ZC3H11B: variants seen among roughly 807,000 people sequenced by gnomAD.
ZC3H11B encodes the protein zinc finger CCCH-type containing 11B.
Under a neutral mutation model 34.0 loss-of-function variants are expected in ZC3H11B, and 3 were observed. That is an observed-to-expected ratio of 0.09 (90% CI 0.04 to 0.23). The LOEUF (loss-of-function observed/expected upper bound fraction) is 0.23, where lower values mean the gene tolerates loss of function less well. Ranked by LOEUF, ZC3H11B falls within the 10% of genes least tolerant of loss-of-function variation. The pLI, the probability that ZC3H11B is intolerant of heterozygous loss-of-function variation, is 1.00. For missense variants in ZC3H11B, 99 were observed against 660.1 expected (o/e 0.15, Z 9.31); for synonymous variants, 33 against 250.1 (o/e 0.13, Z 8.19).
Position 219,612,918 on chromosome 1 carries a change from G to A in ZC3H11B, c.-502+13C>T, listed in dbSNP as rs1049760211. On this transcript the variant is annotated intron_variant, in intron 1 of 1. Transcript: ENST00000651890. The stretch of plus-strand genomic sequence containing the variant: ...TGGGAGTGTAATGAGGGTGGGGAAT[G>A]GGTGTAGGATACCGGAATAAGGTTG... 3.9e-6 allele frequency: 1 copy of A among 257,514 alleles called. No individual in the cohort carries two copies. Among genetic ancestry groups the A allele is most frequent in the African/African-American group, 3.5e-5 (1 of 28,888 alleles). 16.0% of individuals were successfully genotyped at this position (257,514 alleles called of 1,614,324 possible).
At chr1:219,608,484 T>G (rs1003427841) in exon 2 of ZC3H11B, 19 of 151,932 alleles carry the variant, frequency 1.3e-4, no homozygotes, top group African/African-American at 4.4e-4. Flanking sequence ...ATACAACATA[T>G]CTCCTTTCAA....
chr1:219,609,324 G>T (rs1667963565), exon 2 of ZC3H11B: 1 of 407,608 alleles, frequency 2.5e-6, no homozygotes, highest in Admixed American at 4.1e-5. Context: ...GAGTCACTAA[G>T]TTTGCTTGCA....
chr1:219,609,141 C>T (rs1245394011), exon 2 of ZC3H11B: 4 of 181,624 alleles, frequency 2.2e-5, no homozygotes, highest in Non-Finnish European at 4.7e-5. Context: ...AAAAGACATA[C>T]AATTTAACAC....
Position 219,610,898 on chromosome 1 carries a change from CA to C in ZC3H11B, c.1164del (p.Asp389MetfsTer46). On this transcript the variant is annotated frameshift_variant, in exon 2 of 2. Transcript: ENST00000651890. LOFTEE classifies it high-confidence loss of function. ...CTTCTTGCTCCTGAAGTAGAATCAT[CA>C]GTTTTTGAAGGTCCTTCTGTCTTGA... 1 of 562,690 alleles carries C rather than the reference CA, an allele frequency of 1.8e-6. No homozygotes were observed. Among genetic ancestry groups the C allele is most frequent in the Non-Finnish European group, 3.0e-6 (1 of 333,696 alleles). The allele number at this position is 562,690 out of a possible 1,614,324, so 34.9% of individuals were successfully genotyped here.
rs7417192 is a variant in ZC3H11B, at chr1:219,612,343, A to T, written c.-281T>A. ...AAAAATTTTCCTCCTCACATTGCCA[A>T]GAAAACCTCTCAGCCACAATTCAAA... On this transcript the variant is annotated 5_prime_UTR_variant, in exon 2 of 2. It adds an upstream start codon to the 5' untranslated region. Coordinates refer to ENST00000651890, the Ensembl canonical transcript of ZC3H11B. 13,982 of 396,548 alleles carry T rather than the reference A, an allele frequency of 0.035. 611 individuals carry two copies. The highest frequency in any genetic ancestry group is 0.14 in the African/African-American group (4,494 of 32,206). 24.6% of individuals were successfully genotyped at this position (396,548 alleles called of 1,614,324 possible).
At chr1:219,608,149 T>G (rs2102508754) in exon 2 of ZC3H11B, among the ~76,000 whole-genome samples, 1 of 152,206 alleles carries the variant, frequency 6.6e-6, no homozygotes, top group Non-Finnish European at 1.5e-5. Context: ...CTACCCCTGC[T>G]TTGGAGAAGG....
exon 2 of ZC3H11B, chr1:219,608,565 C>G (rs1667951560): frequency 6.6e-6 from 1 of 152,150 alleles, no homozygotes; most frequent in African/African-American, 2.4e-5. Context: ...AAACCAACAT[C>G]AAGAAGAGAA....
At chr1:219,609,842 G>A in exon 2 of ZC3H11B, 9 of 1,613,954 alleles carry the variant, frequency 5.6e-6, no homozygotes, top group Non-Finnish European at 7.6e-6. Flanking sequence ...GACACCTCCG[G>A]GGGTGAGGAA....
chr1:219,611,681 G>C lies in ZC3H11B; in HGVS notation c.382C>G (p.Gln128Glu). 2.5e-6 allele frequency: 4 copies of C among 1,612,386 alleles called. No individual in the cohort carries two copies. In the South Asian group the frequency reaches 4.4e-5, roughly 18 times the overall value. The change falls in exon 2 of 2, where the codon CAG becomes GAG. Residue 128 changes from glutamine (Q) to glutamate (E), a missense_variant. Coordinates refer to ENST00000651890, the Ensembl canonical transcript of ZC3H11B. ...CGCAGCTGAGGGGAAGTATTGGACTGGACAGACAATTTGTTCTGCTGAACT... is the reference window on the plus strand; with the variant it reads ...CGCAGCTGAGGGGAAGTATTGGACTCGACAGACAATTTGTTCTGCTGAACT...
exon 2 of ZC3H11B, chr1:219,608,901 A>G (rs1003395417): frequency 6.6e-6 from 1 of 152,610 alleles, no homozygotes; most frequent in African/African-American, 2.4e-5. Flanking sequence ...TCACCATCTC[A>G]TATAATGAAT....
chr1:219,608,339 T>A (rs922140314), exon 2 of ZC3H11B: 2 of 152,650 alleles, frequency 1.3e-5, no homozygotes, highest in African/African-American at 4.8e-5. Flanking sequence ...CAACTCTTGA[T>A]GAGCCGCTTA....
chr1:219,613,055 T>C, exon 1 of ZC3H11B: 1 of 229,824 alleles, frequency 4.4e-6, no homozygotes, highest in Non-Finnish European at 8.4e-6. Context: ...GCTTGGCCGC[T>C]GCCGTCCGTC....
chr1:219,608,124 T>A (rs1250091941), exon 2 of ZC3H11B, among the ~76,000 whole-genome samples: 1 of 152,064 alleles, frequency 6.6e-6, no homozygotes, highest in African/African-American at 2.4e-5. Context: ...AAATCCGTGG[T>A]GAAACCTGAA....
At chr1:219,608,399 A>G (rs1667948547) in exon 2 of ZC3H11B, 1 of 152,472 alleles carries the variant, frequency 6.6e-6, no homozygotes, top group Non-Finnish European at 1.5e-5. Context: ...AGATTTCCCT[A>G]TGAGAAACAA....
exon 2 of ZC3H11B, chr1:219,608,390 G>C (rs1251737366): frequency 6.6e-6 from 1 of 152,448 alleles, no homozygotes; most frequent in African/African-American, 2.4e-5. Context: ...AGGTGGGTCA[G>C]ATTTCCCTAT....
At position 219,612,243 on chromosome 1, in the gene ZC3H11B, T is replaced by A. The variant is rs1320815729; in HGVS notation, c.-181A>T. 3.5e-6 allele frequency: 2 copies of A among 575,682 alleles called. No homozygotes were observed. Among genetic ancestry groups the A allele is most frequent in the African/African-American group, 2.2e-5 (1 of 45,464 alleles). The allele number at this position is 575,682 out of a possible 1,614,324, so 35.7% of individuals were successfully genotyped here. ...TGCTCTCAACAGGAACGTCTGTGTC[T>A]TCACTGAGTTCCAATCTATTATGCC... On this transcript the variant is annotated 5_prime_UTR_variant, in exon 2 of 2. It adds an upstream start codon to the 5' untranslated region. Coordinates refer to ENST00000651890, the Ensembl canonical transcript of ZC3H11B.
chr1:219,611,107 T>G, exon 2 of ZC3H11B: 1 of 1,608,780 alleles, frequency 6.2e-7, no homozygotes, highest in Non-Finnish European at 8.5e-7. Flanking sequence ...TGGTGTTTCG[T>G]CAGTGTTAGT....
chr1:219,608,370 C>T (rs1667948192), exon 2 of ZC3H11B: 1 of 152,482 alleles, frequency 6.6e-6, no homozygotes, highest in Admixed American at 6.5e-5. Flanking sequence ...TCCTTAGGAG[C>T]CAACATGACA....
chr1:219,610,124 C>CT lies in ZC3H11B; in HGVS notation c.1938dup (p.Ala647SerfsTer2). On this transcript the variant is annotated frameshift_variant, in exon 2 of 2. Coordinates refer to ENST00000651890, the Ensembl canonical transcript of ZC3H11B. LOFTEE classifies it high-confidence loss of function. Reference sequence around the variant, plus strand: ...TGCTTCACGTTCACTGTGGGTTTAGCTTCACCCCTTTTTTCCAAGGTCTGT... The same window carrying CT: ...TGCTTCACGTTCACTGTGGGTTTAGCTTTCACCCCTTTTTTCCAAGGTCTGT... 1.2e-6 allele frequency: 1 copy of CT among 838,756 alleles called. No homozygotes were observed. Among genetic ancestry groups the CT allele is most frequent in the Middle Eastern group, 2.7e-4 (1 of 3,764 alleles). The allele number at this position is 838,756 out of a possible 1,614,324, so 52.0% of individuals were successfully genotyped here.
Sources: allele counts gnomAD v4.1 joint callset (sites outside exome capture counted in the v4.1 genomes callset), GRCh38; gene constraint gnomAD v4.1.1; transcripts MANE v1.5; gene names NCBI Gene and HGNC (gene_info 2026-07-23, HGNC 2026-07-21).